TAOK3: variants seen among roughly 807,000 people sequenced by gnomAD.
TAOK3 encodes the protein serine/threonine-protein kinase TAO3.
TAOK3 carries 40 observed loss-of-function variants against 120.4 expected under a neutral mutation model. That is an observed-to-expected ratio of 0.33 (90% CI 0.26 to 0.43). TAOK3 has a LOEUF of 0.43. Ranked by LOEUF, TAOK3 falls within the 20% of genes least tolerant of loss-of-function variation. The pLI, the probability that TAOK3 is intolerant of heterozygous loss-of-function variation, is 1.00. For synonymous variants in TAOK3, 355 were observed against 387.5 expected (o/e 0.92, Z 0.99); for missense variants, 821 against 1,112.1 (o/e 0.74, Z 3.72).
intron 11 of TAOK3, among the ~76,000 whole-genome samples, chr12:118,202,925 A>G (rs1044079615): frequency 1.3e-5 from 2 of 151,864 alleles, no homozygotes; most frequent in African/African-American, 4.8e-5. Context: ...AATTACAGGC[A>G]TGCACCACCA....
chr12:118,217,098 T>C (rs1192650372), intron 9 of TAOK3, among the ~76,000 whole-genome samples: 2 of 152,226 alleles, frequency 1.3e-5, no homozygotes, highest in African/African-American at 4.8e-5. Flanking sequence ...AAGGCTCTTC[T>C]TCTATTAACC....
intron 19 of TAOK3, among the ~76,000 whole-genome samples, chr12:118,153,001 A>G (rs1232864631): frequency 6.6e-6 from 1 of 152,224 alleles, no homozygotes; most frequent in Non-Finnish European, 1.5e-5. Context: ...TCCAATTTCC[A>G]TAAAACTTGA....
chr12:118,322,660 T>C (rs2043762326), intron 1 of TAOK3, among the ~76,000 whole-genome samples: 1 of 151,546 alleles, frequency 6.6e-6, no homozygotes, highest in African/African-American at 2.4e-5. Context: ...AATTTTCCCA[T>C]GTCAAGAACT....
chr12:118,301,625 C>G (rs1297233807), intron 1 of TAOK3, among the ~76,000 whole-genome samples: 1 of 152,058 alleles, frequency 6.6e-6, no homozygotes, highest in Non-Finnish European at 1.5e-5. Context: ...GCAGGCGGAT[C>G]ACGAGGTCAG....
At position 118,228,443 on chromosome 12, in the gene TAOK3, C is replaced by T. The variant is rs141490013; in HGVS notation, c.643+5231G>A. Among the ~76,000 whole-genome samples the T allele has an allele frequency of 3.7e-3, 560 of 152,104 alleles. 7 individuals are homozygous for T. The highest frequency in any genetic ancestry group is 0.012 in the African/African-American group (509 of 41,490). On this transcript the variant is annotated intron_variant, in intron 9 of 20. Transcript: ENST00000392533. ...CTGGGATTACAAGCGTGAGCCACTG[C>T]GCCTGGCCAGTATATATATAGTTTT...
chr12:118,251,099 A>G (rs2040731920), intron 3 of TAOK3, among the ~76,000 whole-genome samples: 1 of 152,122 alleles, frequency 6.6e-6, no homozygotes, highest in Non-Finnish European at 1.5e-5. Context: ...TAAAGGCTTT[A>G]TAGGGAAAGG....
intron 14 of TAOK3, among the ~76,000 whole-genome samples, chr12:118,187,191 T>C (rs948606653): frequency 6.6e-6 from 1 of 152,174 alleles, no homozygotes; most frequent in African/African-American, 2.4e-5. Context: ...TGTTAGCGCC[T>C]CTACTAGAAG....
At chr12:118,342,511 T>C (rs1048152859) in intron 1 of TAOK3, among the ~76,000 whole-genome samples, 5 of 152,126 alleles carry the variant, frequency 3.3e-5, no homozygotes, top group African/African-American at 1.2e-4. Context: ...GAAATCAACA[T>C]AGTTAAAGCC....
At chr12:118,196,263 G>T (rs1191485839) in intron 13 of TAOK3, among the ~76,000 whole-genome samples, 1 of 152,012 alleles carries the variant, frequency 6.6e-6, no homozygotes, top group Non-Finnish European at 1.5e-5. Flanking sequence ...TAAAATCAGG[G>T]CATCTTTATT....
rs138572795 is a variant in TAOK3, at chr12:118,150,477, T to C, written c.*520A>G. 1.4e-3 allele frequency: 198 copies of C among 146,516 alleles called. 2 individuals carry two copies. Among genetic ancestry groups the C allele is most frequent in the Non-Finnish European group, 3.0e-4 (20 of 66,974 alleles). The allele number at this position is 146,516 out of a possible 1,614,324, so 9.1% of individuals were successfully genotyped here. On this transcript the variant is annotated 3_prime_UTR_variant, in exon 21 of 21. Transcript: ENST00000392533. ...TCAAATTTTCAATCTTTAATAAAACTTTGTTTTTTTTATTCCTGATGAATA... is the reference window on the plus strand; with the variant it reads ...TCAAATTTTCAATCTTTAATAAAACCTTGTTTTTTTTATTCCTGATGAATA...
chr12:118,151,289 GCACACACACACACA>G lies in TAOK3; in HGVS notation c.2536-145_2536-132del, dbSNP rs773751889. 31 of 253,072 alleles carry G rather than the reference GCACACACACACACA, an allele frequency of 1.2e-4. 1 individual carries two copies. Among genetic ancestry groups the G allele is most frequent in the Non-Finnish European group, 2.2e-5 (3 of 137,384 alleles). The allele number at this position is 253,072 out of a possible 1,614,324, so 15.7% of individuals were successfully genotyped here. On this transcript the variant is annotated intron_variant, in intron 20 of 20. Coordinates refer to ENST00000392533, the MANE Select transcript of TAOK3 (RefSeq NM_016281.4). Reference sequence around the variant, plus strand: ...GCACACACATGAAGTGCGCGCGCGCGCACACACACACACACACACACACACACACAGGAACTACG... The same window carrying G: ...GCACACACATGAAGTGCGCGCGCGCGCACACACACACACACAGGAACTACG...
At chr12:118,215,024 C>T (rs1330513229) in intron 9 of TAOK3, among the ~76,000 whole-genome samples, 1 of 151,548 alleles carries the variant, frequency 6.6e-6, no homozygotes, top group Non-Finnish European at 1.5e-5. Flanking sequence ...GGATTACAGG[C>T]ATGCGCCACT....
intron 7 of TAOK3, chr12:118,235,955 A>G: frequency 3.6e-6 from 1 of 280,304 alleles, no homozygotes; most frequent in African/African-American, 2.1e-5. Context: ...CATGGCGAAC[A>G]AGAAAACCTA....
intron 5 of TAOK3, 22 bp downstream of exon 5, chr12:118,243,390 AGAT>A (rs1320922690): frequency 7.9e-7 from 1 of 1,264,300 alleles, no homozygotes; most frequent in Admixed American, 2.1e-5. Flanking sequence ...TAATAGTAAA[AGAT>A]AATAGAGGTC....
intron 13 of TAOK3, among the ~76,000 whole-genome samples, chr12:118,196,311 C>G (rs1434686008): frequency 6.6e-6 from 1 of 152,132 alleles, no homozygotes; most frequent in African/African-American, 2.4e-5. Context: ...CATGCTCTCA[C>G]TAGCTACTCA....
chr12:118,219,837 C>T (rs1179895801), intron 9 of TAOK3, among the ~76,000 whole-genome samples: 1 of 127,702 alleles, frequency 7.8e-6, no homozygotes, highest in Non-Finnish European at 1.6e-5. Context: ...TGGTCTCAAA[C>T]TCCTGGGCTC....
chr12:118,227,521 C>T (rs969319053), intron 9 of TAOK3, among the ~76,000 whole-genome samples: 19 of 151,920 alleles, frequency 1.3e-4, no homozygotes, highest in South Asian at 2.1e-4. Context: ...TATATGAATA[C>T]AATTAACTGT....
intron 1 of TAOK3, chr12:118,359,368 G>C (rs1175245016): frequency 1.3e-5 from 2 of 152,082 alleles, no homozygotes; most frequent in Non-Finnish European, 2.9e-5. Flanking sequence ...GTAGATATCA[G>C]AACTGGTTAC....
chr12:118,159,282 C>T (rs2035053062), intron 19 of TAOK3, among the ~76,000 whole-genome samples: 1 of 151,426 alleles, frequency 6.6e-6, no homozygotes, highest in African/African-American at 2.4e-5. Flanking sequence ...TCTCCCCTAA[C>T]CCCCAGTACC....
Sources: allele counts gnomAD v4.1 joint callset (sites outside exome capture counted in the v4.1 genomes callset), GRCh38; gene constraint gnomAD v4.1.1; transcripts MANE v1.5; gene names NCBI Gene and HGNC (gene_info 2026-07-23, HGNC 2026-07-21).